The following PCDHGA4 variants were observed in gnomAD, a reference collection of about 807,000 sequenced individuals.
The protein encoded by PCDHGA4 is protocadherin gamma-A4.
Under a neutral mutation model 54.6 loss-of-function variants are expected in PCDHGA4, and 38 were observed. That is an observed-to-expected ratio of 0.70 (90% CI 0.54 to 0.91). PCDHGA4 has a LOEUF of 0.91. Among genes scored for constraint, PCDHGA4 ranks in the 40% least tolerant of loss-of-function variants. The pLI, the probability that PCDHGA4 is intolerant of heterozygous loss-of-function variation, is 0.00. For synonymous variants in PCDHGA4, 511 were observed against 512.9 expected (o/e 1.00, Z 0.05); for missense variants, 1,298 against 1,220.9 (o/e 1.06, Z -0.94).
intron 1 of PCDHGA4, among the ~76,000 whole-genome samples, chr5:141,401,149 C>T (rs1398876381): frequency 6.6e-6 from 1 of 152,132 alleles, no homozygotes; most frequent in Non-Finnish European, 1.5e-5. Flanking sequence ...CAAGACCAGC[C>T]TGGGCAATAT....
At chr5:141,398,506 A>G (rs2093664607) in intron 1 of PCDHGA4, 1 of 1,601,998 alleles carries the variant, frequency 6.2e-7, no homozygotes, top group South Asian at 1.1e-5. Context: ...CGAGGACATT[A>G]ATGACCACAC....
chr5:141,362,499 A>G (rs1307285614), intron 1 of PCDHGA4: 2 of 1,614,042 alleles, frequency 1.2e-6, no homozygotes, highest in East Asian at 2.2e-5. Flanking sequence ...CCTCTTGGGA[A>G]CAAAATACAA....
chr5:141,386,566 T>C (rs577943993), intron 1 of PCDHGA4, among the ~76,000 whole-genome samples: 30 of 152,200 alleles, frequency 2.0e-4, no homozygotes, highest in African/African-American at 7.2e-4. Flanking sequence ...TTGCACATGA[T>C]AGACTCTGTA....
At chr5:141,468,737 G>A (rs1288031024) in intron 1 of PCDHGA4, among the ~76,000 whole-genome samples, 1 of 151,948 alleles carries the variant, frequency 6.6e-6, no homozygotes, top group African/African-American at 2.4e-5. Context: ...GTGGTGGCGG[G>A]TGCCTGTAGT....
At chr5:141,403,686 G>T in intron 1 of PCDHGA4, 1 of 1,613,824 alleles carries the variant, frequency 6.2e-7, no homozygotes, top group Non-Finnish European at 8.5e-7. Context: ...TTTGCTCAAC[G>T]GATTTACCGA....
At chr5:141,410,893 G>A (rs1302061377) in intron 1 of PCDHGA4, 5 of 276,602 alleles carry the variant, frequency 1.8e-5, no homozygotes, top group South Asian at 4.6e-5. Context: ...TCGCACTGTT[G>A]CCTAGGCTGG....
At chr5:141,467,131 C>A (rs1441537783) in intron 1 of PCDHGA4, among the ~76,000 whole-genome samples, 1 of 151,702 alleles carries the variant, frequency 6.6e-6, no homozygotes, top group African/African-American at 2.4e-5. Flanking sequence ...CAGCTCACTG[C>A]AACCTCTGCC....
At chr5:141,430,261 A>T (rs1236197353) in intron 1 of PCDHGA4, among the ~76,000 whole-genome samples, 1 of 152,104 alleles carries the variant, frequency 6.6e-6, no homozygotes, top group African/African-American at 2.4e-5. Context: ...CATCTCCATA[A>T]TAGGTGTGTT....
chr5:141,501,290 TACACACACAC>T (rs55762287), intron 2 of PCDHGA4, among the ~76,000 whole-genome samples: 44 of 136,248 alleles, frequency 3.2e-4, no homozygotes, highest in Admixed American at 7.8e-4. Context: ...TATTCCCTTA[TACACACACAC>T]ACACACACAC....
chr5:141,431,333 C>G lies in PCDHGA4; in HGVS notation c.2515-63474C>G. 1.2e-6 allele frequency: 2 copies of G among 1,614,058 alleles called. No individual in the cohort carries two copies. The highest frequency in any genetic ancestry group is 2.2e-5 in the South Asian group (2 of 91,088). Reference sequence around the variant, plus strand: ...AAATGGAGCCGACGGTAGTAAGTACCCCGAATTGGTGCTGAAACGCGCCCT... The same window carrying G: ...AAATGGAGCCGACGGTAGTAAGTACGCCGAATTGGTGCTGAAACGCGCCCT... On this transcript the variant is annotated intron_variant, in intron 1 of 3. Coordinates refer to ENST00000571252, the MANE Select transcript of PCDHGA4 (RefSeq NM_018917.4). The surrounding 1 kb of genome is among the most constrained non-coding windows in gnomAD (Gnocchi z 4.8).
chr5:141,371,682 C>G, intron 1 of PCDHGA4: 4 of 1,614,036 alleles, frequency 2.5e-6, no homozygotes, highest in Non-Finnish European at 2.5e-6. Flanking sequence ...CAAAGGCAAT[C>G]CACCGCTCTC....
chr5:141,364,876 G>C (rs1763590066), intron 1 of PCDHGA4: 1 of 1,613,964 alleles, frequency 6.2e-7, no homozygotes. Flanking sequence ...CTCTGGATGT[G>C]GTAAGCGGAA....
chr5:141,450,181 C>A (rs2098672863), intron 1 of PCDHGA4, among the ~76,000 whole-genome samples: 1 of 151,572 alleles, frequency 6.6e-6, no homozygotes, highest in African/African-American at 2.4e-5. Flanking sequence ...CCACACCCAG[C>A]TAATTTTTGT....
intron 1 of PCDHGA4, chr5:141,372,601 T>A: frequency 7.4e-6 from 12 of 1,614,028 alleles, no homozygotes; most frequent in Non-Finnish European, 1.0e-5. Context: ...TTCAAGACTG[T>A]ACCTGGAGTT....
chr5:141,355,951 G>A lies in PCDHGA4; in HGVS notation c.844G>A (p.Val282Ile), dbSNP rs1178682642. The change falls in exon 1 of 4, where the codon GTT (valine) becomes ATT (isoleucine). Residue 282 changes from valine (V) to isoleucine (I), a missense_variant. Physicochemically the swap from Val to Ile is conservative, Grantham distance 29. Transcript: ENST00000571252. Reference sequence around the variant, plus strand: ...CACTCAGCCCGAGTACCACGTAAGTGTTCGTGAGAACGTTCCTGTAGGCAC... The same window carrying A: ...CACTCAGCCCGAGTACCACGTAAGTATTCGTGAGAACGTTCCTGTAGGCAC... Reference protein sequence around the residue: ...VFTQPEYHVSVRENVPVGTRL... With the variant: ...VFTQPEYHVSIRENVPVGTRL... The A allele has an allele frequency of 1.2e-6, 2 of 1,613,798 alleles. No homozygotes were observed. The highest frequency in any genetic ancestry group is 1.3e-5 in the African/African-American group (1 of 74,934).
At chr5:141,457,280 A>G (rs964027392) in intron 1 of PCDHGA4, among the ~76,000 whole-genome samples, 2 of 152,196 alleles carry the variant, frequency 1.3e-5, no homozygotes, top group Admixed American at 1.3e-4. Context: ...TGGGCCTACG[A>G]AGTTCCTTGG....
At position 141,486,135 on chromosome 5, in the gene PCDHGA4, G is replaced by A. The variant is rs145871538; in HGVS notation, c.2515-8672G>A. ...GAGAATTACTATGAATTTGATGTGC[G>A]GGCTCGCGATGGGGGTTCTCCAGCC... On this transcript the variant is annotated intron_variant, in intron 1 of 3. Transcript: ENST00000571252. This position sits in a 1 kb window ranked among gnomAD's most constrained non-coding sequence, Gnocchi z 5.0. The A allele has an allele frequency of 1.9e-6, 3 of 1,614,168 alleles. No homozygotes were observed. Among genetic ancestry groups the A allele is most frequent in the Non-Finnish European group, 2.5e-6 (3 of 1,180,022 alleles).
intron 1 of PCDHGA4, chr5:141,410,094 C>G: frequency 6.2e-7 from 1 of 1,612,646 alleles, no homozygotes; most frequent in Non-Finnish European, 8.5e-7. Context: ...ACGGCTCGAG[C>G]CTTAGGCGAC....
chr5:141,415,305 C>G (rs200439097), intron 1 of PCDHGA4: 1 of 1,614,234 alleles, frequency 6.2e-7, no homozygotes, highest in African/African-American at 1.3e-5. Context: ...TCTTCCTGGC[C>G]TTCGTCATCG....
Sources: allele counts gnomAD v4.1 joint callset (sites outside exome capture counted in the v4.1 genomes callset), GRCh38; gene constraint gnomAD v4.1.1; non-coding constraint Gnocchi (gnomAD v3.1); transcripts MANE v1.5; gene names NCBI Gene and HGNC (gene_info 2026-07-23, HGNC 2026-07-21).